The following KIF26B variants were observed in gnomAD, a reference collection of about 807,000 sequenced individuals.
KIF26B encodes kinesin family member 26B.
KIF26B carries 63 observed loss-of-function variants against 151.2 expected under a neutral mutation model. The observed-to-expected ratio is 0.42, with a 90% CI of 0.34 to 0.51. The LOEUF is 0.51. KIF26B is among the 20% of genes least tolerant of loss of function. The probability of loss-of-function intolerance (pLI) is 0.07; values close to 1 mark genes in which losing one functional copy is unlikely to be tolerated. For synonymous variants in KIF26B, 1,357 were observed against 1,262.1 expected (o/e 1.08, Z -1.59); for missense variants, 2,813 against 2,913.6 (o/e 0.97, Z 0.79).
At chr1:245,307,260 T>C (rs760647321) in intron 2 of KIF26B, among the ~76,000 whole-genome samples, 6 of 152,232 alleles carry the variant, frequency 3.9e-5, no homozygotes, top group Non-Finnish European at 5.9e-5. Flanking sequence ...CCGTCTCATA[T>C]GCCGGACCGT....
At chr1:245,466,911 C>T (rs1039032395) in intron 4 of KIF26B, among the ~76,000 whole-genome samples, 1 of 152,134 alleles carries the variant, frequency 6.6e-6, no homozygotes, top group Non-Finnish European at 1.5e-5. Context: ...GGGCAACAGA[C>T]TCCATCTCAA....
intron 9 of KIF26B, among the ~76,000 whole-genome samples, chr1:245,616,069 A>G (rs1054770154): frequency 2.0e-5 from 3 of 152,362 alleles, no homozygotes; most frequent in East Asian, 1.9e-4. Flanking sequence ...ATATGCACAC[A>G]TGCATTTTAT....
intron 2 of KIF26B, among the ~76,000 whole-genome samples, chr1:245,185,142 C>CTT (rs78451541): frequency 1.5e-4 from 21 of 142,406 alleles, no homozygotes; most frequent in African/African-American, 3.8e-4. Flanking sequence ...GGTGGAAATA[C>CTT]TTTTTTTTTT....
chr1:245,585,234 C>G (rs528933979), intron 5 of KIF26B, among the ~76,000 whole-genome samples: 1 of 152,178 alleles, frequency 6.6e-6, no homozygotes, highest in African/African-American at 2.4e-5. Context: ...AACTATGCAC[C>G]GTTCTTGGTA....
intron 4 of KIF26B, among the ~76,000 whole-genome samples, chr1:245,526,517 GT>G (rs1426805557): frequency 6.6e-6 from 1 of 152,132 alleles, no homozygotes; most frequent in Non-Finnish European, 1.5e-5. Context: ...TTCAACTACA[GT>G]AAATAATTTG....
intron 4 of KIF26B, among the ~76,000 whole-genome samples, chr1:245,456,815 C>A (rs931052949): frequency 3.3e-5 from 5 of 152,234 alleles, no homozygotes; most frequent in Non-Finnish European, 7.3e-5. Context: ...GCTATGCATA[C>A]CCAAGGGGCT....
At chr1:245,470,839 G>A (rs1659898096) in intron 4 of KIF26B, among the ~76,000 whole-genome samples, 1 of 152,080 alleles carries the variant, frequency 6.6e-6, no homozygotes, top group Non-Finnish European at 1.5e-5. Context: ...TCATCTCTAT[G>A]TAGCTTTCAG....
chr1:245,662,554 A>G (rs1436838358), intron 10 of KIF26B, among the ~76,000 whole-genome samples: 1 of 76,424 alleles, frequency 1.3e-5, no homozygotes, highest in African/African-American at 4.7e-5. Flanking sequence ...ACCCAATGAT[A>G]TATATATACA....
At chr1:245,300,066 AAC>A (rs1671402740) in intron 2 of KIF26B, among the ~76,000 whole-genome samples, 1 of 152,226 alleles carries the variant, frequency 6.6e-6, no homozygotes, top group East Asian at 1.9e-4. Context: ...TTTTGGTGAA[AAC>A]ACAGTGTCCT....
Position 245,492,927 on chromosome 1 carries a change from C to T in KIF26B, c.1167-47840C>T, listed in dbSNP as rs186583365. Among the ~76,000 whole-genome samples the T allele has an allele frequency of 3.7e-4, 56 of 152,116 alleles. No individual in the cohort carries two copies. The East Asian group carries it at 6.0e-3, about 16-fold the overall frequency. On this transcript the variant is annotated intron_variant, in intron 4 of 14. Transcript: ENST00000407071. ...TCCTGAGTAGCTGGGACTACAGGCG[C>T]GCCCCACCACATCTGGCTAATTTTT...
At chr1:245,236,265 A>G (rs1336848232) in intron 2 of KIF26B, among the ~76,000 whole-genome samples, 1 of 152,136 alleles carries the variant, frequency 6.6e-6, no homozygotes, top group Non-Finnish European at 1.5e-5. Flanking sequence ...ACAGGTAAGA[A>G]AGTTAAGCAT....
intron 4 of KIF26B, among the ~76,000 whole-genome samples, chr1:245,439,114 G>A (rs529299808): frequency 3.3e-5 from 5 of 152,248 alleles, no homozygotes; most frequent in African/African-American, 2.4e-5. Context: ...TTGGCAGGCC[G>A]AGGTGGGAGG....
intron 9 of KIF26B, among the ~76,000 whole-genome samples, chr1:245,615,297 A>G (rs2043576531): frequency 6.6e-6 from 1 of 152,218 alleles, no homozygotes; most frequent in Non-Finnish European, 1.5e-5. Flanking sequence ...AACTTGGGAG[A>G]TGGGATTATC....
intron 2 of KIF26B, among the ~76,000 whole-genome samples, chr1:245,323,131 T>C (rs1671919624): frequency 6.6e-6 from 1 of 152,230 alleles, no homozygotes; most frequent in Non-Finnish European, 1.5e-5. Context: ...AGCTTGTATA[T>C]AAGTATCTCT....
chr1:245,193,528 T>C (rs532569863), intron 2 of KIF26B, among the ~76,000 whole-genome samples: 2 of 151,900 alleles, frequency 1.3e-5, no homozygotes, highest in African/African-American at 4.9e-5. Context: ...TTTTTCAAAA[T>C]TTCATATTTT....
At chr1:245,536,822 C>T (rs1263215721) in intron 4 of KIF26B, among the ~76,000 whole-genome samples, 1 of 152,190 alleles carries the variant, frequency 6.6e-6, no homozygotes, top group East Asian at 1.9e-4. Context: ...CCACTTGACC[C>T]TCTCCATGTG....
intron 5 of KIF26B, among the ~76,000 whole-genome samples, chr1:245,553,831 T>C (rs965808209): frequency 6.6e-6 from 1 of 152,150 alleles, no homozygotes; most frequent in African/African-American, 2.4e-5. Flanking sequence ...GAGAATTCTG[T>C]GTCTAGAGCA....
At chr1:245,505,369 G>A (rs1380535966) in intron 4 of KIF26B, among the ~76,000 whole-genome samples, 1 of 151,710 alleles carries the variant, frequency 6.6e-6, no homozygotes, top group East Asian at 1.9e-4. Flanking sequence ...TTTTAAAGAT[G>A]TAAAGAATTT....
intron 3 of KIF26B, among the ~76,000 whole-genome samples, chr1:245,402,740 A>G (rs1674036650): frequency 6.6e-6 from 1 of 152,202 alleles, no homozygotes; most frequent in Non-Finnish European, 1.5e-5. Flanking sequence ...TCAACTGAAA[A>G]AAGGGCAAGC....
Sources: allele counts gnomAD v4.1 joint callset (sites outside exome capture counted in the v4.1 genomes callset), GRCh38; gene constraint gnomAD v4.1.1; transcripts MANE v1.5; gene names NCBI Gene and HGNC (gene_info 2026-07-23, HGNC 2026-07-21).